The following YEATS2 variants were observed in gnomAD, a reference collection of about 807,000 sequenced individuals.
YEATS2 encodes YEATS domain containing 2.
In YEATS2, 77 loss-of-function variants were observed where a neutral mutation model predicts 163.2. The ratio of observed to expected loss-of-function variants is 0.47; its 90% confidence interval spans 0.39 to 0.57. YEATS2 has a LOEUF of 0.57. Ranked by LOEUF, YEATS2 falls within the 20% of genes least tolerant of loss-of-function variation. The pLI is 0.00. For missense variants in YEATS2, 1,549 were observed against 1,729.8 expected, an observed-to-expected ratio of 0.90 and a Z score of 1.85; for synonymous variants, 631 against 645.1, an observed-to-expected ratio of 0.98 and a Z score of 0.33.
intron 4 of YEATS2, 102 bp from the exon 5 acceptor site, chr3:183,721,789 A>G: frequency 6.9e-7 from 1 of 1,456,114 alleles, no homozygotes. Flanking sequence ...GAAAGATTTT[A>G]AGCATGATCC....
At chr3:183,720,841 T>C (rs1716413728) in intron 4 of YEATS2, among the ~76,000 whole-genome samples, 1 of 152,156 alleles carries the variant, frequency 6.6e-6, no homozygotes. Context: ...CCTTGCCTCT[T>C]CCTAGCTTCT....
Position 183,786,140 on chromosome 3 carries a change from C to T in YEATS2, c.2752C>T (p.Gln918Ter). 1 of 1,613,354 alleles carries T rather than the reference C, an allele frequency of 6.2e-7. No homozygotes were observed. Among genetic ancestry groups the T allele is most frequent in the East Asian group, 2.2e-5 (1 of 44,868 alleles). Reference sequence around the variant, plus strand: ...GTTTCTGCAGGCAGCCCATGGAGGACAGGCATCTCTAATGAAAATATCCGA... The same window carrying T: ...GTTTCTGCAGGCAGCCCATGGAGGATAGGCATCTCTAATGAAAATATCCGA... ...TLFTQAAHGG[Q>*]ASLMKISDST... Residue 918 changes from glutamine (Q) to a stop codon, truncating the protein, a stop_gained, in exon 20 of 31, where the codon CAG (glutamine) becomes TAG (stop). Transcript: ENST00000305135. LOFTEE classifies it high-confidence loss of function.
intron 12 of YEATS2, among the ~76,000 whole-genome samples, chr3:183,757,668 A>G (rs1720911652): frequency 6.6e-6 from 1 of 152,200 alleles, no homozygotes; most frequent in African/African-American, 2.4e-5. Context: ...AGATAAATGA[A>G]ATAAAAGGGA....
At chr3:183,698,754 G>T (rs532029413) in intron 1 of YEATS2, among the ~76,000 whole-genome samples, 2 of 152,002 alleles carry the variant, frequency 1.3e-5, no homozygotes, top group South Asian at 4.2e-4. Context: ...CCCTTTTCTC[G>T]CTCACATGTA....
At chr3:183,720,629 GCTT>G (rs1035590198) in intron 4 of YEATS2, among the ~76,000 whole-genome samples, 1 of 152,160 alleles carries the variant, frequency 6.6e-6, no homozygotes, top group African/African-American at 2.4e-5. Context: ...GTAGACAGGT[GCTT>G]CTTTTAGTGT....
chr3:183,803,002 T>C (rs1219275223), intron 25 of YEATS2: 1 of 501,022 alleles, frequency 2.0e-6, no homozygotes, highest in Non-Finnish European at 3.6e-6. Context: ...ACTTTAATAG[T>C]CTATGGCAGT....
intron 8 of YEATS2, 23 bp from the exon 9 acceptor site, chr3:183,747,649 C>G (rs201677426): frequency 1.2e-6 from 2 of 1,605,762 alleles, no homozygotes; most frequent in Admixed American, 1.7e-5. Context: ...AAATTTAACA[C>G]TCTCCCTTTT....
chr3:183,710,314 G>C (rs540273124), intron 1 of YEATS2, among the ~76,000 whole-genome samples: 1 of 152,186 alleles, frequency 6.6e-6, no homozygotes, highest in Non-Finnish European at 1.5e-5. Context: ...TTGGTCATTT[G>C]TTACACATTC....
At chr3:183,709,723 G>A (rs1209063432) in intron 1 of YEATS2, among the ~76,000 whole-genome samples, 1 of 149,922 alleles carries the variant, frequency 6.7e-6, no homozygotes, top group African/African-American at 2.5e-5. Context: ...TGTCACCCAG[G>A]CTGGAGTGCA....
At position 183,775,350 on chromosome 3, in the gene YEATS2, C is replaced by A. The variant is rs556588092; in HGVS notation, c.2369-565C>A. Among the ~76,000 whole-genome samples, 18 of 152,316 alleles carry A rather than the reference C, an allele frequency of 1.2e-4. No individual in the cohort carries two copies. The East Asian group carries it at 3.5e-3, about 29-fold the overall frequency. ...CAGTGGCTCACACCTGCAATCCCAG[C>A]ACTTTGGAGGGCCAAGGCGGGCGGA... On this transcript the variant is annotated intron_variant, in intron 17 of 30. Coordinates refer to ENST00000305135, the MANE Select transcript of YEATS2 (RefSeq NM_018023.5).
At chr3:183,807,794 G>A in intron 28 of YEATS2, 1 of 439,224 alleles carries the variant, frequency 2.3e-6, no homozygotes, top group Non-Finnish European at 4.1e-6. Context: ...AGATTTGAGA[G>A]ATTTTAATAG....
At chr3:183,796,555 C>T (rs538408940) in intron 21 of YEATS2, among the ~76,000 whole-genome samples, 1 of 150,088 alleles carries the variant, frequency 6.7e-6, no homozygotes, top group Admixed American at 6.7e-5. Flanking sequence ...GGTGTGTAGA[C>T]AGATGCACAT....
intron 13 of YEATS2, 69 bp downstream of exon 13, chr3:183,759,034 T>A (rs987994304): frequency 8.7e-7 from 1 of 1,151,800 alleles, no homozygotes; most frequent in African/African-American, 1.6e-5. Flanking sequence ...AAATAATTTT[T>A]CAAATGGAGA....
intron 8 of YEATS2, among the ~76,000 whole-genome samples, chr3:183,739,122 G>A (rs1718680511): frequency 1.3e-5 from 2 of 151,968 alleles, no homozygotes; most frequent in African/African-American, 4.8e-5. Flanking sequence ...ATATCTCATA[G>A]TGGTTTTGAT....
rs776030066 is a variant in YEATS2 at position 183,806,946 on chromosome 3, G to A, written c.3865G>A (p.Glu1289Lys). 13 of 1,614,116 alleles carry A rather than the reference G, an allele frequency of 8.1e-6. No homozygotes were observed. Among genetic ancestry groups the A allele is most frequent in the South Asian group, 1.1e-5 (1 of 91,070 alleles). ...GCAACAGTTCCAGAAAAGGGAACCC[G>A]AGAATGAGGAGGAGGTGGACATCCT... The part of the protein sequence containing the change: ...DLQQFQKREP[E>K]NEEEVDILSL... Residue 1289 changes from glutamate to lysine, a missense_variant, in exon 28 of 31, where the codon GAG becomes AAG. By Grantham distance (56) the Glu-to-Lys change is moderately conservative. Transcript: ENST00000305135.
intron 1 of YEATS2, among the ~76,000 whole-genome samples, chr3:183,701,406 A>T (rs773763586): frequency 6.6e-6 from 1 of 150,666 alleles, no homozygotes; most frequent in African/African-American, 2.4e-5. Flanking sequence ...ATATTTTTTG[A>T]GACAGGGTCT....
At chr3:183,802,947 G>A (rs554534408) in intron 25 of YEATS2, 26 of 279,382 alleles carry the variant, frequency 9.3e-5, no homozygotes, top group Middle Eastern at 1.1e-3. Flanking sequence ...CACCTTGTGA[G>A]TTAATGGCGG....
chr3:183,780,304 T>C (rs546801385), intron 19 of YEATS2, among the ~76,000 whole-genome samples: 2 of 152,340 alleles, frequency 1.3e-5, no homozygotes, highest in South Asian at 4.1e-4. Context: ...CTGGCTGCTC[T>C]TGCCACAGTA....
chr3:183,698,023 G>GGCC (rs1713652721), intron 1 of YEATS2, 30 bp downstream of exon 1: 1 of 152,014 alleles, frequency 6.6e-6, no homozygotes, highest in African/African-American at 2.4e-5. Flanking sequence ...GGAAGGGACC[G>GGCC]GCCGGGAGCG....
Sources: allele counts gnomAD v4.1 joint callset (sites outside exome capture counted in the v4.1 genomes callset), GRCh38; gene constraint gnomAD v4.1.1; transcripts MANE v1.5; gene names NCBI Gene and HGNC (gene_info 2026-07-23, HGNC 2026-07-21).